The following GALNTL6 variants were observed in gnomAD, a reference collection of about 807,000 sequenced individuals.
The protein encoded by GALNTL6 is polypeptide N-acetylgalactosaminyltransferase like 6.
Under a neutral mutation model 73.7 loss-of-function variants are expected in GALNTL6, and 46 were observed. The ratio of observed to expected loss-of-function variants is 0.62; its 90% CI spans 0.49 to 0.80. The LOEUF is 0.80. Ranked by LOEUF, GALNTL6 falls within the 30% of genes least tolerant of loss-of-function variation. The pLI is 0.00. For synonymous variants in GALNTL6, 259 were observed against 263.7 expected (o/e 0.98, Z 0.17); for missense variants, 604 against 755.0 (o/e 0.80, Z 2.34).
At chr4:172,532,088 C>A (rs918142560) in intron 5 of GALNTL6, among the ~76,000 whole-genome samples, 3 of 152,040 alleles carry the variant, frequency 2.0e-5, no homozygotes, top group South Asian at 2.1e-4. Flanking sequence ...CCAGAAGGGT[C>A]CATTTGCATG....
chr4:172,930,815 C>G (rs935235561), intron 8 of GALNTL6, among the ~76,000 whole-genome samples: 2 of 152,138 alleles, frequency 1.3e-5, no homozygotes, highest in African/African-American at 2.4e-5. Flanking sequence ...AAGGCGCACA[C>G]CACCACACCC....
At position 172,953,051 on chromosome 4, in the gene GALNTL6, A is replaced by C. The variant is rs751168854; in HGVS notation, c.1371+793A>C. 4.6e-5 allele frequency among the ~76,000 whole-genome samples: 7 copies of C among 152,180 alleles called. No homozygotes were observed. In the South Asian group the frequency reaches 6.2e-4, roughly 14 times the overall value. On this transcript the variant is annotated intron_variant, in intron 10 of 12. Coordinates refer to ENST00000506823, the MANE Select transcript of GALNTL6 (RefSeq NM_001034845.3). Reference sequence around the variant, plus strand: ...CCAGGCTATGCTATGCAGAGTCATGAAGAAATGCATTTCCATAATATACAG... The same window carrying C: ...CCAGGCTATGCTATGCAGAGTCATGCAGAAATGCATTTCCATAATATACAG...
intron 7 of GALNTL6, among the ~76,000 whole-genome samples, chr4:172,858,057 T>C (rs1400890102): frequency 6.6e-6 from 1 of 152,254 alleles, no homozygotes; most frequent in East Asian, 1.9e-4. Context: ...AGTTGCACTT[T>C]ATGGGAATTA....
At chr4:172,534,361 A>G (rs1352370474) in intron 5 of GALNTL6, among the ~76,000 whole-genome samples, 1 of 152,234 alleles carries the variant, frequency 6.6e-6, no homozygotes, top group African/African-American at 2.4e-5. Flanking sequence ...TCATATTTTA[A>G]GATTCCAGGA....
intron 2 of GALNTL6, among the ~76,000 whole-genome samples, chr4:172,039,014 T>C (rs576452327): frequency 1.3e-5 from 2 of 152,346 alleles, no homozygotes; most frequent in East Asian, 1.9e-4. Flanking sequence ...AGCTGCTTTA[T>C]AATCCTTTTC....
chr4:172,707,624 C>T (rs140414784), intron 5 of GALNTL6, among the ~76,000 whole-genome samples: 8 of 152,220 alleles, frequency 5.3e-5, no homozygotes, highest in Admixed American at 5.2e-4. Flanking sequence ...TTGTTAAAAT[C>T]GTAAGGAAGA....
intron 10 of GALNTL6, among the ~76,000 whole-genome samples, chr4:172,959,032 T>G (rs142578226): frequency 6.6e-6 from 1 of 152,058 alleles, no homozygotes; most frequent in Admixed American, 6.6e-5. Context: ...TATGGAGAGT[T>G]TATAGGCTTT....
chr4:172,103,140 C>T (rs992436317), intron 2 of GALNTL6, among the ~76,000 whole-genome samples: 7 of 152,174 alleles, frequency 4.6e-5, no homozygotes, highest in Non-Finnish European at 4.4e-5. Flanking sequence ...ATGCACCCAC[C>T]GGCTAATCAC....
chr4:171,876,202 ATG>A (rs1736273934), intron 2 of GALNTL6, among the ~76,000 whole-genome samples: 2 of 88,494 alleles, frequency 2.3e-5, no homozygotes, highest in Admixed American at 2.2e-4. Flanking sequence ...CTGATGAATC[ATG>A]TGCTATGGAA....
At chr4:172,991,377 G>A (rs1488625510) in intron 10 of GALNTL6, among the ~76,000 whole-genome samples, 1 of 151,822 alleles carries the variant, frequency 6.6e-6, no homozygotes, top group Non-Finnish European at 1.5e-5. Context: ...TATGATTTAT[G>A]TTAAACCCAG....
chr4:172,985,038 G>T (rs1020671750), intron 10 of GALNTL6, among the ~76,000 whole-genome samples: 1 of 152,072 alleles, frequency 6.6e-6, no homozygotes, highest in East Asian at 1.9e-4. Context: ...TTAAGGCCAG[G>T]CTCTAAAAAA....
chr4:172,418,177 T>C (rs1232019141), intron 5 of GALNTL6, among the ~76,000 whole-genome samples: 1 of 152,200 alleles, frequency 6.6e-6, no homozygotes, highest in Non-Finnish European at 1.5e-5. Context: ...ATTGGTTCTT[T>C]TATTGTTGTT....
At chr4:171,991,063 G>C (rs990701936) in intron 2 of GALNTL6, among the ~76,000 whole-genome samples, 1 of 152,072 alleles carries the variant, frequency 6.6e-6, no homozygotes, top group African/African-American at 2.4e-5. Context: ...AGAGACTTCA[G>C]CAATGTTGCT....
chr4:172,303,136 A>AT (rs1413904074), intron 3 of GALNTL6, among the ~76,000 whole-genome samples: 1 of 152,088 alleles, frequency 6.6e-6, no homozygotes, highest in Non-Finnish European at 1.5e-5. Context: ...AGTAACTGGA[A>AT]TTACAGGCAT....
At chr4:172,339,257 C>CCCCACACACA (rs1741462538) in intron 4 of GALNTL6, among the ~76,000 whole-genome samples, 1 of 120,952 alleles carries the variant, frequency 8.3e-6, no homozygotes, top group Admixed American at 8.4e-5. Context: ...CACACACACA[C>CCCCACACACA]CACACACACA....
At chr4:172,541,271 A>G (rs1347865618) in intron 5 of GALNTL6, among the ~76,000 whole-genome samples, 10 of 151,876 alleles carry the variant, frequency 6.6e-5, no homozygotes, top group Non-Finnish European at 1.5e-4. Context: ...AATGCCACAA[A>G]TCATATGTTT....
chr4:172,152,506 A>G (rs2110764636), intron 2 of GALNTL6, among the ~76,000 whole-genome samples: 1 of 152,382 alleles, frequency 6.6e-6, no homozygotes, highest in Middle Eastern at 3.4e-3. Flanking sequence ...TTCATGAATG[A>G]GAAGCCATTT....
chr4:172,150,448 A>G (rs911353171), intron 2 of GALNTL6, among the ~76,000 whole-genome samples: 4 of 152,338 alleles, frequency 2.6e-5, no homozygotes, highest in African/African-American at 9.6e-5. Context: ...GAAATGAGTT[A>G]CATGAGTAGA....
intron 7 of GALNTL6, among the ~76,000 whole-genome samples, chr4:172,830,237 A>G (rs946148277): frequency 5.3e-5 from 8 of 152,230 alleles, no homozygotes; most frequent in Non-Finnish European, 1.2e-4. Flanking sequence ...ATCAGGGCCA[A>G]ACTTTACAGT....
Sources: allele counts gnomAD v4.1 joint callset (sites outside exome capture counted in the v4.1 genomes callset), GRCh38; gene constraint gnomAD v4.1.1; transcripts MANE v1.5; gene names NCBI Gene and HGNC (gene_info 2026-07-23, HGNC 2026-07-21).